UTRN: variants seen among roughly 807,000 people sequenced by gnomAD.
The protein encoded by UTRN is utrophin.
UTRN carries 283 observed loss-of-function variants against 463.9 expected under a neutral mutation model. The observed-to-expected ratio is 0.61, with a 90% CI of 0.55 to 0.67. The LOEUF is 0.67. Ranked by LOEUF, UTRN falls within the 30% of genes least tolerant of loss-of-function variation. The pLI is 0.00. For missense variants in UTRN, 3,922 were observed against 4,084.3 expected (o/e 0.96, Z 1.08); for synonymous variants, 1,442 against 1,431.5 (o/e 1.01, Z -0.17).
intron 51 of UTRN, among the ~76,000 whole-genome samples, chr6:144,603,552 C>T (rs1041156364): frequency 2.0e-5 from 3 of 152,104 alleles, no homozygotes; most frequent in Admixed American, 1.3e-4. Context: ...AGGTGGTATA[C>T]GTGTGTTTGA....
At chr6:144,512,478 C>A (rs1048725902) in intron 35 of UTRN, among the ~76,000 whole-genome samples, 1 of 151,356 alleles carries the variant, frequency 6.6e-6, no homozygotes, top group South Asian at 2.1e-4. Context: ...TTCACATTTT[C>A]TTTTTTTAAA....
At chr6:144,493,477 G>GCT (rs1562482928) in intron 33 of UTRN, 21 bp downstream of exon 33, 1 of 1,603,142 alleles carries the variant, frequency 6.2e-7, no homozygotes, top group Admixed American at 1.7e-5. Flanking sequence ...CAGCCCCACA[G>GCT]CTCATCTCTC....
At chr6:144,479,014 T>C (rs1791549158) in intron 25 of UTRN, among the ~76,000 whole-genome samples, 1 of 152,074 alleles carries the variant, frequency 6.6e-6, no homozygotes, top group Admixed American at 6.6e-5. Context: ...TCTTATGACA[T>C]CTTTAATAGC....
intron 61 of UTRN, 68 bp from the exon 62 acceptor site, chr6:144,789,126 C>A: frequency 8.0e-7 from 1 of 1,251,716 alleles, no homozygotes; most frequent in South Asian, 1.4e-5. Flanking sequence ...AATAGATATT[C>A]AGAAACAATG....
chr6:144,674,990 G>A (rs1432639121), intron 51 of UTRN, among the ~76,000 whole-genome samples: 1 of 152,168 alleles, frequency 6.6e-6, no homozygotes, highest in South Asian at 2.1e-4. Flanking sequence ...ATCCATTGCT[G>A]GAAAGGTAAT....
chr6:144,519,003 A>G (rs930284586), intron 39 of UTRN, among the ~76,000 whole-genome samples: 4 of 152,170 alleles, frequency 2.6e-5, no homozygotes. Flanking sequence ...AAAACAAAAC[A>G]CAAAACATTT....
chr6:144,757,346 A>C (rs2128726023), intron 57 of UTRN, among the ~76,000 whole-genome samples: 1 of 151,998 alleles, frequency 6.6e-6, no homozygotes, highest in Non-Finnish European at 1.5e-5. Context: ...TTTCAGATGA[A>C]AGTAAGAAAT....
At chr6:144,559,227 T>C (rs536784090) in intron 50 of UTRN, among the ~76,000 whole-genome samples, 2 of 152,272 alleles carry the variant, frequency 1.3e-5, no homozygotes, top group African/African-American at 4.8e-5. Flanking sequence ...TCGTTTATCA[T>C]AGCTAAGACA....
At chr6:144,443,382 TA>T (rs1264051592) in intron 13 of UTRN, among the ~76,000 whole-genome samples, 2 of 152,188 alleles carry the variant, frequency 1.3e-5, no homozygotes, top group African/African-American at 4.8e-5. Context: ...AGAGGTTAAG[TA>T]GTCCTCCTGA....
At position 144,577,149 on chromosome 6, in the gene UTRN, C is replaced by T. The variant is rs1801516598; in HGVS notation, c.7340C>T (p.Ala2447Val). ...GAGGCTGAGTGGAGGACGGTGCAGG[C>T]CTCTCGCAGAGATCTGGAAAACTTC... ...ALEAEWRTVQ[A>V]SRRDLENFLK... The change falls in exon 51 of 75, where the codon GCC (alanine) becomes GTC (valine). Residue 2447 changes from alanine to valine, a missense_variant. Physicochemically the swap from Ala to Val is moderately conservative, Grantham distance 64 (BLOSUM62 0). This residue lies in a region of UTRN where 1,309 missense variants were observed against 1,452.6 expected (regional missense o/e 0.90). Transcript: ENST00000367545. 1 of 1,613,898 alleles carries T rather than the reference C, an allele frequency of 6.2e-7. No individual in the cohort carries two copies. The highest frequency in any genetic ancestry group is 8.5e-7 in the Non-Finnish European group (1 of 1,179,918).
Position 144,423,530 on chromosome 6 carries a change from TTTTTG to T in UTRN, c.235-14_235-10del. ...GGAGGGACAATCAGTTTTACTTGCT[TTTTTG>T]TTTTATTTTCCAGCCAAAGGAACGT... On this transcript the variant is annotated splice_polypyrimidine_tract_variant and intron_variant, in intron 4 of 74. Transcript: ENST00000367545. 6.2e-7 allele frequency: 1 copy of T among 1,613,586 alleles called. No individual in the cohort carries two copies. Among genetic ancestry groups the T allele is most frequent in the Non-Finnish European group, 8.5e-7 (1 of 1,179,646 alleles).
intron 66 of UTRN, among the ~76,000 whole-genome samples, chr6:144,824,542 A>T (rs1779911207): frequency 7.9e-6 from 1 of 126,310 alleles, no homozygotes; most frequent in African/African-American, 2.9e-5. Context: ...AATATAATAC[A>T]TATGTATATA....
chr6:144,714,128 A>AT (rs1159860422), intron 53 of UTRN, among the ~76,000 whole-genome samples: 9 of 151,402 alleles, frequency 5.9e-5, no homozygotes, highest in Non-Finnish European at 1.0e-4. Flanking sequence ...TATGTAGGAG[A>AT]TTTTTTTTTA....
At chr6:144,581,299 A>G (rs972332017) in intron 51 of UTRN, among the ~76,000 whole-genome samples, 1 of 152,200 alleles carries the variant, frequency 6.6e-6, no homozygotes, top group Non-Finnish European at 1.5e-5. Flanking sequence ...TTCATATTCT[A>G]AAAGATTGTT....
chr6:144,662,821 GT>G (rs550375614), intron 51 of UTRN, among the ~76,000 whole-genome samples: 1 of 152,092 alleles, frequency 6.6e-6, no homozygotes, highest in South Asian at 2.1e-4. Flanking sequence ...TAAGACAGCA[GT>G]TTTTTTGTGA....
intron 4 of UTRN, 73 bp from the exon 5 acceptor site, chr6:144,423,476 A>T: frequency 1.4e-6 from 2 of 1,451,430 alleles, no homozygotes; most frequent in Non-Finnish European, 9.6e-7. Context: ...TTCTGTGTGT[A>T]TCTCAGTGCT....
At chr6:144,604,196 A>G (rs569613134) in intron 51 of UTRN, among the ~76,000 whole-genome samples, 6 of 152,332 alleles carry the variant, frequency 3.9e-5, no homozygotes, top group African/African-American at 1.4e-4. Context: ...CTTACCCAGC[A>G]CATTGCCTAC....
chr6:144,285,977 G>A (rs1160788946), intron 1 of UTRN, among the ~76,000 whole-genome samples, 156 bp downstream of exon 1: 1 of 152,248 alleles, frequency 6.6e-6, no homozygotes, highest in Non-Finnish European at 1.5e-5. Flanking sequence ...TCGAAGATGG[G>A]AGTAACTTTT....
chr6:144,448,794 C>T (rs745857770), intron 17 of UTRN, 25 bp downstream of exon 17: 17 of 1,609,640 alleles, frequency 1.1e-5, no homozygotes, highest in Non-Finnish European at 1.4e-5. Context: ...AGAAATTGTT[C>T]AAATCCAATA....
Sources: gnomAD v4.1 joint callset for allele counts (sites outside exome capture counted in the v4.1 genomes callset) on GRCh38, gnomAD v4.1.1 for gene constraint, gnomAD v4.1.1 regional missense constraint, MANE v1.5 for transcripts, NCBI Gene and HGNC (gene_info 2026-07-23, HGNC 2026-07-21) for gene names.